The following GARNL3 variants were observed in gnomAD, a reference collection of about 807,000 sequenced individuals.
GARNL3 encodes GTPase-activating Rap/Ran-GAP domain-like protein 3.
Under a neutral mutation model 125.0 loss-of-function variants are expected in GARNL3, and 63 were observed. The ratio of observed to expected loss-of-function variants is 0.50; its 90% CI spans 0.41 to 0.62. The LOEUF (loss-of-function observed/expected upper bound fraction) is 0.62, where lower values mean the gene tolerates loss of function less well. Ranked by LOEUF, GARNL3 falls within the 20% of genes least tolerant of loss-of-function variation. GARNL3 has a pLI of 0.00. For synonymous variants in GARNL3, 439 were observed against 457.5 expected, an observed-to-expected ratio of 0.96 and a Z score of 0.52; for missense variants, 994 against 1,244.0, an observed-to-expected ratio of 0.80 and a Z score of 3.02.
chr9:127,255,509 G>A (rs1399465558), intron 2 of GARNL3, among the ~76,000 whole-genome samples: 3 of 152,226 alleles, frequency 2.0e-5, no homozygotes, highest in Admixed American at 1.3e-4. Flanking sequence ...AGTCCAATTA[G>A]TGATTGTTTC....
At chr9:127,297,025 C>T (rs1273489641) in intron 2 of GARNL3, among the ~76,000 whole-genome samples, 1 of 152,186 alleles carries the variant, frequency 6.6e-6, no homozygotes, top group Non-Finnish European at 1.5e-5. Flanking sequence ...AGACCAAATA[C>T]GTATTCCCAT....
intron 1 of GARNL3, among the ~76,000 whole-genome samples, chr9:127,269,972 T>C (rs2063786579): frequency 6.6e-6 from 1 of 152,236 alleles, no homozygotes; most frequent in South Asian, 2.1e-4. Context: ...TATTTTGTTG[T>C]CTATGCTTTT....
intron 14 of GARNL3, among the ~76,000 whole-genome samples, chr9:127,342,730 T>G (rs1316109331): frequency 6.6e-6 from 1 of 151,960 alleles, no homozygotes; most frequent in Non-Finnish European, 1.5e-5. Flanking sequence ...TAGAAAGACA[T>G]AGGGTGCTTT....
chr9:127,350,558 A>G (rs1830369891), intron 17 of GARNL3, among the ~76,000 whole-genome samples: 1 of 152,052 alleles, frequency 6.6e-6, no homozygotes, highest in Non-Finnish European at 1.5e-5. Context: ...GCGGATCACA[A>G]GATCAGGTGT....
chr9:127,315,928 G>T (rs562794742), intron 4 of GARNL3, among the ~76,000 whole-genome samples: 49 of 152,264 alleles, frequency 3.2e-4, no homozygotes, highest in African/African-American at 1.1e-3. Flanking sequence ...GGTAATCTTC[G>T]ATGTGCACTT....
intron 27 of GARNL3, 114 bp downstream of exon 27, chr9:127,390,881 C>A: frequency 1.9e-6 from 2 of 1,071,782 alleles, no homozygotes; most frequent in Non-Finnish European, 2.7e-6. Flanking sequence ...GCAGCTACAG[C>A]AGAGGGCCAG....
At chr9:127,307,280 C>T (rs1013217849) in intron 2 of GARNL3, among the ~76,000 whole-genome samples, 1 of 152,110 alleles carries the variant, frequency 6.6e-6, no homozygotes, top group Admixed American at 6.5e-5. Context: ...TTGCTGGTTC[C>T]CCACTCATAG....
intron 4 of GARNL3, among the ~76,000 whole-genome samples, chr9:127,316,505 G>A (rs965198573): frequency 6.6e-6 from 1 of 152,196 alleles, no homozygotes; most frequent in African/African-American, 2.4e-5. Context: ...AGTGTAGGCT[G>A]GAGCCAGTTA....
rs765906189 is a variant in GARNL3, at chr9:127,390,629, T to G, written c.2744-12T>G. 1.9e-6 allele frequency: 3 copies of G among 1,613,276 alleles called. No individual in the cohort carries two copies. The highest frequency in any genetic ancestry group is 1.7e-6 in the Non-Finnish European group (2 of 1,179,628). Reference sequence around the variant, plus strand: ...GTGGTAGTGACCCTCTGACCTATGATTCTCAATCCAGGCCTCTCGGATGAA... The same window carrying G: ...GTGGTAGTGACCCTCTGACCTATGAGTCTCAATCCAGGCCTCTCGGATGAA... On this transcript the variant is annotated splice_polypyrimidine_tract_variant and intron_variant, in intron 26 of 27. Transcript: ENST00000373387.
rs1830638668 is a variant in GARNL3, at chr9:127,355,451, TGAA to T, written c.1918_1920del (p.Glu640del). On this transcript the variant is annotated inframe_deletion, in exon 20 of 28. Transcript: ENST00000373387. ...TATCTCCCCTGTCTGAGTCACCTGTTGAAGAATTCCAGTACATCAGGGTAGGTT... is the reference window on the plus strand; with the variant it reads ...TATCTCCCCTGTCTGAGTCACCTGTTGAATTCCAGTACATCAGGGTAGGTT... 4 of 1,614,240 alleles carry T rather than the reference TGAA, an allele frequency of 2.5e-6. No individual in the cohort carries two copies. The highest frequency in any genetic ancestry group is 3.4e-6 in the Non-Finnish European group (4 of 1,180,028).
upstream of GARNL3, among the ~76,000 whole-genome samples, chr9:127,260,530 A>G (rs562333133): frequency 2.0e-5 from 3 of 152,240 alleles, no homozygotes; most frequent in East Asian, 5.8e-4. Flanking sequence ...GATTTGGGAG[A>G]CTATACTACA....
chr9:127,360,744 A>T lies in GARNL3; in HGVS notation c.2094+3367A>T, dbSNP rs1292136797. On this transcript the variant is annotated intron_variant, in intron 21 of 27. Transcript: ENST00000373387. The stretch of plus-strand genomic sequence containing the variant: ...GCCCGCCTCTGTGGGCACCAGTGTT[A>T]ACTGGGCAGGCCTCGCTTCCTGCTC... Among the ~76,000 whole-genome samples the T allele has an allele frequency of 2.0e-5, 3 of 152,150 alleles. 1 individual carries two copies. In the South Asian group the frequency reaches 6.2e-4, roughly 32 times the overall value.
chr9:127,328,355 A>C (rs1279529255), intron 7 of GARNL3, among the ~76,000 whole-genome samples: 1 of 152,172 alleles, frequency 6.6e-6, no homozygotes, highest in Non-Finnish European at 1.5e-5. Flanking sequence ...CTGCTTCTCA[A>C]CTGGGATAAA....
intron 26 of GARNL3, among the ~76,000 whole-genome samples, chr9:127,389,657 A>G (rs1256779071): frequency 6.6e-6 from 1 of 152,136 alleles, no homozygotes; most frequent in Non-Finnish European, 1.5e-5. Context: ...CTGGGCTCAC[A>G]CCTGTTATCT....
At chr9:127,231,140 C>T (rs1447371884) in intron 1 of GARNL3, among the ~76,000 whole-genome samples, 4 of 144,172 alleles carry the variant, frequency 2.8e-5, no homozygotes, top group Admixed American at 6.9e-5. Flanking sequence ...CTGCAAGCTC[C>T]GCCTTCTGGG....
At chr9:127,236,807 A>G (rs963884182) in intron 1 of GARNL3, among the ~76,000 whole-genome samples, 5 of 152,142 alleles carry the variant, frequency 3.3e-5, no homozygotes, top group African/African-American at 1.2e-4. Flanking sequence ...GCTCTCTTTT[A>G]TTCTAAAAGA....
At chr9:127,307,304 G>T (rs1004064246) in intron 2 of GARNL3, among the ~76,000 whole-genome samples, 3 of 152,194 alleles carry the variant, frequency 2.0e-5, no homozygotes, top group African/African-American at 7.2e-5. Context: ...TCTTAAGGAA[G>T]AAGTTTACGA....
intron 7 of GARNL3, among the ~76,000 whole-genome samples, chr9:127,330,621 T>A (rs990199462): frequency 6.6e-6 from 1 of 152,178 alleles, no homozygotes; most frequent in Non-Finnish European, 1.5e-5. Context: ...AATAAAAGAT[T>A]TACAGAGTGT....
At chr9:127,238,434 A>G (rs2063149187) in intron 1 of GARNL3, among the ~76,000 whole-genome samples, 1 of 152,158 alleles carries the variant, frequency 6.6e-6, no homozygotes, top group African/African-American at 2.4e-5. Flanking sequence ...CTTTGGACTC[A>G]TAATACTAAG....
Sources: allele counts gnomAD v4.1 joint callset (sites outside exome capture counted in the v4.1 genomes callset), GRCh38; gene constraint gnomAD v4.1.1; transcripts MANE v1.5; gene names NCBI Gene and HGNC (gene_info 2026-07-23, HGNC 2026-07-21).